The following GMDS variants were observed in gnomAD, a reference collection of about 807,000 sequenced individuals.
GMDS encodes the protein GDP-mannose 4,6 dehydratase.
A neutral mutation model predicts 49.9 loss-of-function variants in GMDS; 20 were observed. The observed-to-expected ratio is 0.40, with a 90% CI of 0.28 to 0.58. The LOEUF is 0.58. Ranked by LOEUF, GMDS falls within the 20% of genes least tolerant of loss-of-function variation. The probability of loss-of-function intolerance (pLI) is 0.42; values close to 1 mark genes in which losing one functional copy is unlikely to be tolerated. For missense variants in GMDS, 362 were observed against 481.4 expected, an observed-to-expected ratio of 0.75 and a Z score of 2.32; for synonymous variants, 177 against 178.6, an observed-to-expected ratio of 0.99 and a Z score of 0.07.
intron 4 of GMDS, among the ~76,000 whole-genome samples, chr6:2,046,538 C>T (rs951708925): frequency 3.9e-5 from 6 of 152,144 alleles, no homozygotes; most frequent in Admixed American, 1.3e-4. Flanking sequence ...TTGCTCACTG[C>T]AACCTTCACG....
At chr6:1,834,658 CTATTAAACT>C (rs956245967) in intron 7 of GMDS, among the ~76,000 whole-genome samples, 2 of 152,112 alleles carry the variant, frequency 1.3e-5, no homozygotes, top group African/African-American at 4.8e-5. Context: ...AAACAATTTC[CTATTAAACT>C]TATTAAACTT....
chr6:1,903,973 C>T (rs752762979), intron 7 of GMDS, among the ~76,000 whole-genome samples: 1 of 152,144 alleles, frequency 6.6e-6, no homozygotes, highest in Admixed American at 6.5e-5. Context: ...TGGGCAGGCT[C>T]CAGTTCTGGA....
chr6:2,124,751 T>A lies in GMDS; in HGVS notation c.103-20A>T. ...ACCATCCTGGGGAGAAAGAAAAAATTGCAAAACGTCAGTCTCATAGTGGTA... is the reference window on the plus strand; with the variant it reads ...ACCATCCTGGGGAGAAAGAAAAAATAGCAAAACGTCAGTCTCATAGTGGTA... On this transcript the variant is annotated intron_variant, in intron 1 of 10. Coordinates refer to ENST00000380815, the MANE Select transcript of GMDS (RefSeq NM_001500.4). 1 of 1,606,402 alleles carries A rather than the reference T, an allele frequency of 6.2e-7. No homozygotes were observed. Among genetic ancestry groups the A allele is most frequent in the Non-Finnish European group, 8.5e-7 (1 of 1,173,842 alleles).
At chr6:2,094,361 A>T (rs1369814465) in intron 4 of GMDS, among the ~76,000 whole-genome samples, 1 of 152,274 alleles carries the variant, frequency 6.6e-6, no homozygotes, top group African/African-American at 2.4e-5. Flanking sequence ...CTAGGTCCAA[A>T]TATTAACTGT....
At chr6:1,706,529 T>C (rs1765741384) in intron 9 of GMDS, among the ~76,000 whole-genome samples, 2 of 152,372 alleles carry the variant, frequency 1.3e-5, no homozygotes, top group South Asian at 2.1e-4. Context: ...GTTTTCTTTT[T>C]GTTGTAAAGT....
At chr6:2,122,165 T>C (rs753190795) in intron 2 of GMDS, among the ~76,000 whole-genome samples, 2 of 152,206 alleles carry the variant, frequency 1.3e-5, no homozygotes, top group Non-Finnish European at 2.9e-5. Flanking sequence ...TAGGGTACCG[T>C]GTTCAACTTC....
At chr6:1,789,334 C>T (rs1348046168) in intron 7 of GMDS, among the ~76,000 whole-genome samples, 1 of 152,112 alleles carries the variant, frequency 6.6e-6, no homozygotes, top group African/African-American at 2.4e-5. Context: ...TCTCTAAGCC[C>T]ATGGTTGGCT....
At chr6:1,672,839 GC>G (rs1487550429) in intron 9 of GMDS, among the ~76,000 whole-genome samples, 3 of 152,204 alleles carry the variant, frequency 2.0e-5, no homozygotes, top group Non-Finnish European at 4.4e-5. Flanking sequence ...TTAGGAAACT[GC>G]CCTGAGATGC....
intron 7 of GMDS, among the ~76,000 whole-genome samples, chr6:1,844,346 T>A (rs1268403360): frequency 6.6e-6 from 1 of 152,240 alleles, no homozygotes; most frequent in Admixed American, 6.5e-5. Flanking sequence ...CTGAGTGGAT[T>A]GTATGTACTT....
intron 7 of GMDS, among the ~76,000 whole-genome samples, chr6:1,892,838 G>T (rs1759938272): frequency 6.6e-6 from 1 of 152,162 alleles, no homozygotes; most frequent in African/African-American, 2.4e-5. Context: ...ACTGTGACTG[G>T]ACACGCATTC....
chr6:1,637,136 C>T (rs1483693194), intron 9 of GMDS, among the ~76,000 whole-genome samples: 3 of 152,220 alleles, frequency 2.0e-5, no homozygotes, highest in South Asian at 2.1e-4. Context: ...CCATCTGGCT[C>T]GTTGTCTGCA....
At chr6:2,216,843 C>T (rs930971179) in intron 1 of GMDS, among the ~76,000 whole-genome samples, 1 of 152,186 alleles carries the variant, frequency 6.6e-6, no homozygotes, top group Non-Finnish European at 1.5e-5. Context: ...GCTTCCCACC[C>T]GCCTCTCCTG....
At chr6:1,892,494 G>T (rs1759917747) in intron 7 of GMDS, among the ~76,000 whole-genome samples, 1 of 152,108 alleles carries the variant, frequency 6.6e-6, no homozygotes, top group African/African-American at 2.4e-5. Flanking sequence ...TGAGTAGCAG[G>T]ATTACAGGTG....
At chr6:1,967,584 T>C (rs1764336555) in intron 4 of GMDS, among the ~76,000 whole-genome samples, 1 of 152,194 alleles carries the variant, frequency 6.6e-6, no homozygotes, top group African/African-American at 2.4e-5. Context: ...TTACGCTATA[T>C]AAAGAGTCAG....
intron 4 of GMDS, among the ~76,000 whole-genome samples, chr6:2,090,358 T>A (rs1400215628): frequency 6.6e-6 from 1 of 152,172 alleles, no homozygotes; most frequent in Non-Finnish European, 1.5e-5. Context: ...GAAATCAGTA[T>A]CTGAAAAACT....
chr6:1,945,701 G>A (rs1270134371), intron 6 of GMDS, among the ~76,000 whole-genome samples: 1 of 152,134 alleles, frequency 6.6e-6, no homozygotes, highest in Non-Finnish European at 1.5e-5. Context: ...CTTAAGCCTA[G>A]GAGTTAGATT....
rs527477027 is a variant in GMDS at position 1,705,136 on chromosome 6, G to A, written c.987+21280C>T. On this transcript the variant is annotated intron_variant, in intron 9 of 10. Transcript: ENST00000380815. ...GTGTTGATAGCTGACCACATGTCAGGCCAGGCACTGGGGATACAAATGGAA... is the reference window on the plus strand; with the variant it reads ...GTGTTGATAGCTGACCACATGTCAGACCAGGCACTGGGGATACAAATGGAA... Among the ~76,000 whole-genome samples the A allele has an allele frequency of 4.6e-5, 7 of 152,352 alleles. No homozygotes were observed. The South Asian group carries it at 1.5e-3, about 32-fold the overall frequency.
At chr6:1,888,543 T>C (rs1166266470) in intron 7 of GMDS, among the ~76,000 whole-genome samples, 1 of 152,112 alleles carries the variant, frequency 6.6e-6, no homozygotes, top group Non-Finnish European at 1.5e-5. Context: ...GGGATTATAA[T>C]TCAAGATGAG....
intron 3 of GMDS, among the ~76,000 whole-genome samples, chr6:2,116,762 G>A (rs1562070001): frequency 6.6e-6 from 1 of 152,172 alleles, no homozygotes; most frequent in Non-Finnish European, 1.5e-5. Context: ...ACATAATGCA[G>A]GCTGAACTTG....
Sources: gnomAD v4.1 joint callset for allele counts (sites outside exome capture counted in the v4.1 genomes callset) on GRCh38, gnomAD v4.1.1 for gene constraint, MANE v1.5 for transcripts, NCBI Gene and HGNC (gene_info 2026-07-23, HGNC 2026-07-21) for gene names.